Variants in ARHGEF18 observed in about 807,000 individuals in gnomAD.
ARHGEF18 encodes rho guanine nucleotide exchange factor 18.
Under a neutral mutation model 155.7 loss-of-function variants are expected in ARHGEF18, and 93 were observed. The ratio of observed to expected loss-of-function variants is 0.60; its 90% confidence interval spans 0.50 to 0.71. ARHGEF18 has a LOEUF of 0.71. ARHGEF18 is among the 30% of genes least tolerant of loss of function. The pLI is 0.00. For synonymous variants in ARHGEF18, 742 were observed against 753.1 expected (o/e 0.99, Z 0.24); for missense variants, 1,593 against 1,816.1 (o/e 0.88, Z 2.23).
chr19:7,478,835 A>G, the ARHGEF18 span, among the ~76,000 whole-genome samples: 1 of 152,162 alleles, frequency 6.6e-6, no homozygotes, highest in Non-Finnish European at 1.5e-5. Flanking sequence ...CCCCCTGCAC[A>G]CACACCCCGG....
chr19:7,470,351 G>T lies in ARHGEF18; in HGVS notation c.*53G>T. ...CCTCCCTGCCCTGCCCACCCTTCCT[G>T]CTCTCTGGGGACCCCCATGGGGTCA... On this transcript the variant is annotated 3_prime_UTR_variant, in exon 29 of 29. Coordinates refer to ENST00000668164, the MANE Select transcript of ARHGEF18 (RefSeq NM_001367823.1). This position sits in a 1 kb window ranked among gnomAD's most constrained non-coding sequence, Gnocchi z 5.9. 2 of 1,401,226 alleles carry T rather than the reference G, an allele frequency of 1.4e-6. No individual in the cohort carries two copies. Among genetic ancestry groups the T allele is most frequent in the Non-Finnish European group, 1.9e-6 (2 of 1,072,528 alleles). 86.8% of individuals were successfully genotyped at this position (1,401,226 alleles called of 1,614,324 possible).
chr19:7,370,586 A>G (rs1970159770), intron 2 of ARHGEF18, among the ~76,000 whole-genome samples: 2 of 152,202 alleles, frequency 1.3e-5, no homozygotes, highest in South Asian at 4.1e-4. Flanking sequence ...ATCTTCCCAG[A>G]AGAACTGAGA....
chr19:7,478,404 GC>G, the ARHGEF18 span: 7 of 1,595,034 alleles, frequency 4.4e-6, no homozygotes, highest in Non-Finnish European at 6.0e-6. Flanking sequence ...GAGGGAGGAT[GC>G]CCCGGCGGGG....
At chr19:7,458,747 C>G in intron 19 of ARHGEF18, 57 bp downstream of exon 19, 1 of 1,537,200 alleles carries the variant, frequency 6.5e-7, no homozygotes, top group Non-Finnish European at 8.8e-7. Flanking sequence ...GATTGGTCCA[C>G]CCTTGGCTTC....
intron 10 of ARHGEF18, among the ~76,000 whole-genome samples, chr19:7,411,026 G>A (rs1282824736): frequency 6.6e-6 from 1 of 151,894 alleles, no homozygotes; most frequent in African/African-American, 2.4e-5. Flanking sequence ...TTCAGCATCT[G>A]CAATATCTAT....
rs1974577860 is a variant in ARHGEF18 at position 7,440,560 on chromosome 19, A to C, written c.1106+78A>C. On this transcript the variant is annotated intron_variant, in intron 11 of 28. Transcript: ENST00000668164. This position sits in a 1 kb window ranked among gnomAD's most constrained non-coding sequence, Gnocchi z 5.4. ...AGCTGTTGACAGCCTCTTCGGAGGG[A>C]GACCCCGACTTAGATCTGTGTGAAT... is the stretch of plus-strand genomic sequence containing the variant. 1.3e-6 allele frequency: 2 copies of C among 1,484,676 alleles called. No individual in the cohort carries two copies. Among genetic ancestry groups the C allele is most frequent in the Admixed American group, 4.1e-5 (2 of 49,128 alleles). The allele number at this position is 1,484,676 out of a possible 1,614,324, so 92.0% of individuals were successfully genotyped here.
At chr19:7,464,154 C>A (rs1039592368) in intron 22 of ARHGEF18, among the ~76,000 whole-genome samples, 199 bp downstream of exon 22, 1 of 152,188 alleles carries the variant, frequency 6.6e-6, no homozygotes, top group Admixed American at 6.5e-5. Context: ...TCTCCCGCCT[C>A]AGCCTACCAA....
chr19:7,442,105 G>A, intron 13 of ARHGEF18, 53 bp downstream of exon 13: 1 of 1,589,392 alleles, frequency 6.3e-7, no homozygotes, highest in Non-Finnish European at 8.6e-7. Flanking sequence ...TCTCTTCTCT[G>A]CTCCCTCCCT....
intron 10 of ARHGEF18, among the ~76,000 whole-genome samples, chr19:7,414,447 C>T (rs146881370): frequency 0.01 from 1,530 of 152,134 alleles, 31 homozygotes; most frequent in African/African-American, 0.034. Context: ...GAGGCCAAGG[C>T]GGGCAGATCA....
intron 10 of ARHGEF18, among the ~76,000 whole-genome samples, chr19:7,408,916 A>G (rs1972496378): frequency 6.6e-6 from 1 of 152,004 alleles, no homozygotes; most frequent in Non-Finnish European, 1.5e-5. Context: ...CGTGGTGACT[A>G]CAGGTAGGTA....
rs1315731044 is a variant in ARHGEF18, at chr19:7,453,735, C to T, written c.2104+20C>T. 1 of 1,529,434 alleles carries T rather than the reference C, an allele frequency of 6.5e-7. No individual in the cohort carries two copies. Among genetic ancestry groups the T allele is most frequent in the Non-Finnish European group, 8.8e-7 (1 of 1,137,326 alleles). The allele number at this position is 1,529,434 out of a possible 1,614,324, so 94.7% of individuals were successfully genotyped here. A position where few individuals can be genotyped will look rare whatever the true frequency, so the allele number is the denominator to read the frequency against. On this transcript the variant is annotated intron_variant, in intron 17 of 28. Coordinates refer to ENST00000668164, the MANE Select transcript of ARHGEF18 (RefSeq NM_001367823.1). ...TGAAAGGTAAAGGCCTGCCCCTGCC[C>T]ACCTCTAGTGGGTGCCATCTTGGAT...
chr19:7,399,335 T>C (rs1023623701), intron 10 of ARHGEF18, among the ~76,000 whole-genome samples: 1 of 152,198 alleles, frequency 6.6e-6, no homozygotes, highest in Admixed American at 6.5e-5. Flanking sequence ...ATTTTTGTGA[T>C]GCAAATTAAG....
chr19:7,363,765 G>A (rs117209069), intron 2 of ARHGEF18, among the ~76,000 whole-genome samples: 6,862 of 151,472 alleles, frequency 0.045, 206 homozygotes, highest in Non-Finnish European at 0.069. Context: ...ATTGATGAAA[G>A]GAAGGAGGAT....
intron 3 of ARHGEF18, among the ~76,000 whole-genome samples, chr19:7,373,484 T>G (rs7247923): frequency 0.28 from 31,295 of 110,272 alleles, 3,950 homozygotes; most frequent in Non-Finnish European, 0.29. Flanking sequence ...TTTGTTTTTG[T>G]TTTTTTTTTG....
At position 7,457,334 on chromosome 19, in the gene ARHGEF18, T is replaced by C. The variant is rs572175732; in HGVS notation, c.2181+931T>C. Among the ~76,000 whole-genome samples the C allele has an allele frequency of 4.0e-5, 6 of 150,292 alleles. No homozygotes were observed. The East Asian group carries it at 1.2e-3, about 30-fold the overall frequency. On this transcript the variant is annotated intron_variant, in intron 18 of 28. Transcript: ENST00000668164. ...ATTTGGGCCCGCCCATATGATCTCA[T>C]TTTGCCATAATCACCTCTCTTTTTT...
At chr19:7,351,651 G>A (rs1186927848) in intron 1 of ARHGEF18, among the ~76,000 whole-genome samples, 1 of 148,972 alleles carries the variant, frequency 6.7e-6, no homozygotes, top group African/African-American at 2.5e-5. Context: ...ATCCCATCCA[G>A]CCATCCCTGT....
At position 7,362,077 on chromosome 19, in the gene ARHGEF18, G is replaced by A. The variant is rs867525162; in HGVS notation, c.-110-704G>A. 5.6e-3 allele frequency among the ~76,000 whole-genome samples: 214 copies of A among 37,992 alleles called. 9 individuals are homozygous for A. The highest frequency in any genetic ancestry group is 0.047 in the East Asian group (64 of 1,368). The allele number at this position is 37,992 out of a possible 152,430, so 24.9% of individuals were successfully genotyped here. A position where few individuals can be genotyped will look rare whatever the true frequency, so the allele number is the denominator to read the frequency against. ...GGAGAAGGAGAAGGAGAAGGAGAAG[G>A]AGAAGGAGAAGGAGAAGGAGAAGGA... On this transcript the variant is annotated intron_variant, in intron 1 of 28. Coordinates refer to ENST00000668164, the MANE Select transcript of ARHGEF18 (RefSeq NM_001367823.1).
At chr19:7,456,444 C>A in intron 18 of ARHGEF18, 41 bp downstream of exon 18, 1 of 1,576,468 alleles carries the variant, frequency 6.3e-7, no homozygotes, top group Non-Finnish European at 8.7e-7. Flanking sequence ...CGGCTGGGTG[C>A]TGTGGCTCAC....
chr19:7,436,132 C>T (rs1450567777), intron 10 of ARHGEF18, among the ~76,000 whole-genome samples: 4 of 151,272 alleles, frequency 2.6e-5, no homozygotes, highest in Admixed American at 2.6e-4. Context: ...GGAGGGTTTA[C>T]ATATATTCCC....
Sources: allele counts gnomAD v4.1 joint callset (sites outside exome capture counted in the v4.1 genomes callset), GRCh38; gene constraint gnomAD v4.1.1; non-coding constraint Gnocchi (gnomAD v3.1); transcripts MANE v1.5; gene names NCBI Gene and HGNC (gene_info 2026-07-23, HGNC 2026-07-21).